MTMR7: variants seen among roughly 807,000 people sequenced by gnomAD.
MTMR7 encodes phosphatidylinositol-3-phosphate phosphatase MTMR7.
MTMR7 carries 76 observed loss-of-function variants against 81.2 expected under a neutral mutation model. That is an observed-to-expected ratio of 0.94 (90% CI 0.78 to 1.13). MTMR7 has a LOEUF of 1.13. Among genes scored for constraint, MTMR7 ranks in the 50% most tolerant of loss-of-function variants. The pLI is 0.00. For missense variants in MTMR7, 1,044 were observed against 820.0 expected (o/e 1.27, Z -3.34); for synonymous variants, 372 against 289.8 (o/e 1.28, Z -2.88).
At chr8:17,395,277 C>A (rs994236017) in intron 1 of MTMR7, among the ~76,000 whole-genome samples, 1 of 152,138 alleles carries the variant, frequency 6.6e-6, no homozygotes, top group African/African-American at 2.4e-5. Context: ...GAATAATATT[C>A]CATTGCATGT....
rs558966052 is a variant in MTMR7 at position 17,391,400 on chromosome 8, C to G, written c.25-18160G>C. On this transcript the variant is annotated intron_variant, in intron 1 of 13. Coordinates refer to ENST00000180173, the MANE Select transcript of MTMR7 (RefSeq NM_004686.5). ...AAAGAACTGCAATATTATTTTTTTA[C>G]TAAAGAATTTTTACAAATTCTTTAC... Among the ~76,000 whole-genome samples the G allele has an allele frequency of 3.3e-5, 5 of 152,188 alleles. 1 individual carries two copies. In the East Asian group the frequency reaches 5.8e-4, roughly 18 times the overall value.
intron 12 of MTMR7, 122 bp from the exon 13 acceptor site, chr8:17,302,402 C>A: frequency 9.0e-7 from 1 of 1,115,446 alleles, no homozygotes; most frequent in Non-Finnish European, 1.2e-6. Flanking sequence ...AAATTTCAGC[C>A]TCAAAAAAGC....
intron 1 of MTMR7, among the ~76,000 whole-genome samples, chr8:17,373,658 T>C (rs933797586): frequency 6.6e-6 from 1 of 152,244 alleles, no homozygotes; most frequent in Non-Finnish European, 1.5e-5. Context: ...TATGTGTTTC[T>C]AGCTTGTAGA....
chr8:17,369,641 C>CTTTTTTTTTTTT (rs71212689), intron 3 of MTMR7, among the ~76,000 whole-genome samples: 5 of 106,244 alleles, frequency 4.7e-5, no homozygotes, highest in Non-Finnish European at 9.4e-5. Context: ...TTCTTTTTTT[C>CTTTTTTTTTTTT]TTTTTTTTTT....
chr8:17,394,310 G>A (rs1821186993), intron 1 of MTMR7, among the ~76,000 whole-genome samples: 2 of 152,178 alleles, frequency 1.3e-5, no homozygotes, highest in South Asian at 2.1e-4. Flanking sequence ...ATCAACTGAT[G>A]AATGCATAAA....
chr8:17,341,919 C>CTTT (rs535163171), intron 5 of MTMR7, among the ~76,000 whole-genome samples: 12 of 147,316 alleles, frequency 8.1e-5, no homozygotes, highest in Non-Finnish European at 1.7e-4. Flanking sequence ...GCTTTCCAAC[C>CTTT]TTTTTTTTTT....
chr8:17,412,088 T>C (rs1821750866), intron 1 of MTMR7, among the ~76,000 whole-genome samples: 1 of 152,266 alleles, frequency 6.6e-6, no homozygotes, highest in Admixed American at 6.5e-5. Flanking sequence ...AGCGACAACT[T>C]AATTCCCTAG....
intron 10 of MTMR7, among the ~76,000 whole-genome samples, chr8:17,308,854 G>C (rs373815026): frequency 3.3e-5 from 5 of 152,130 alleles, no homozygotes; most frequent in African/African-American, 1.2e-4. Context: ...GAGACATCTG[G>C]GACAAACTGC....
chr8:17,364,022 T>TGA, intron 3 of MTMR7, among the ~76,000 whole-genome samples: 2 of 45,964 alleles, frequency 4.4e-5, no homozygotes, highest in Non-Finnish European at 6.8e-5. Context: ...GTTGCTATTA[T>TGA]TTTTTTTTTT....
chr8:17,411,268 G>A (rs1039209239), intron 1 of MTMR7, among the ~76,000 whole-genome samples: 8 of 152,148 alleles, frequency 5.3e-5, no homozygotes, highest in African/African-American at 1.7e-4. Context: ...TGTTGAAAAT[G>A]CTCCTAGTCC....
chr8:17,379,327 A>T (rs965147988), intron 1 of MTMR7, among the ~76,000 whole-genome samples: 6 of 152,156 alleles, frequency 3.9e-5, no homozygotes, highest in Non-Finnish European at 8.8e-5. Context: ...GGGCAGAAGC[A>T]GATAGTCTGA....
intron 7 of MTMR7, among the ~76,000 whole-genome samples, chr8:17,328,923 A>T (rs1260349040): frequency 1.3e-5 from 2 of 151,948 alleles, no homozygotes; most frequent in Admixed American, 1.3e-4. Context: ...TGGAAGTTAA[A>T]ATTAGATCAT....
intron 8 of MTMR7, among the ~76,000 whole-genome samples, chr8:17,312,791 C>A (rs1014494025): frequency 4.6e-5 from 7 of 151,892 alleles, no homozygotes; most frequent in Admixed American, 2.0e-4. Flanking sequence ...GGTATAAATC[C>A]AAGGTATTTA....
chr8:17,398,176 A>G (rs1461825729), intron 1 of MTMR7, among the ~76,000 whole-genome samples: 9 of 152,180 alleles, frequency 5.9e-5, no homozygotes. Context: ...ACCATCCAGG[A>G]AAACATGACT....
At chr8:17,338,037 G>C (rs933662275) in intron 6 of MTMR7, among the ~76,000 whole-genome samples, 9 of 152,200 alleles carry the variant, frequency 5.9e-5, no homozygotes, top group African/African-American at 2.2e-4. Context: ...AGCAAACTCA[G>C]TCTCCTGGCT....
chr8:17,389,669 T>C (rs1488883635), intron 1 of MTMR7, among the ~76,000 whole-genome samples: 1 of 152,252 alleles, frequency 6.6e-6, no homozygotes, highest in Non-Finnish European at 1.5e-5. Context: ...CAGAATGCTT[T>C]ATTATTGAAT....
intron 12 of MTMR7, among the ~76,000 whole-genome samples, chr8:17,303,011 A>T (rs1817229344): frequency 6.6e-6 from 1 of 152,004 alleles, no homozygotes; most frequent in Non-Finnish European, 1.5e-5. Flanking sequence ...ACGCCTGACC[A>T]ATAAATCCCT....
At chr8:17,381,086 G>C (rs528241185) in intron 1 of MTMR7, among the ~76,000 whole-genome samples, 25 of 152,220 alleles carry the variant, frequency 1.6e-4, no homozygotes, top group African/African-American at 5.8e-4. Flanking sequence ...AAAAGCAAAA[G>C]GGTGAACAAG....
chr8:17,363,119 C>T (rs191657654), intron 3 of MTMR7, among the ~76,000 whole-genome samples: 40 of 152,290 alleles, frequency 2.6e-4, no homozygotes, highest in African/African-American at 7.9e-4. Flanking sequence ...AGACGCGTTC[C>T]GTAAAATCAA....
Sources: gnomAD v4.1 joint callset for allele counts (sites outside exome capture counted in the v4.1 genomes callset) on GRCh38, gnomAD v4.1.1 for gene constraint, MANE v1.5 for transcripts, NCBI Gene and HGNC (gene_info 2026-07-23, HGNC 2026-07-21) for gene names.